The following ADH1A variants were observed in gnomAD, a reference collection of about 807,000 sequenced individuals.
ADH1A encodes alcohol dehydrogenase 1A.
Under a neutral mutation model 35.2 loss-of-function variants are expected in ADH1A, and 29 were observed. That is an observed-to-expected ratio of 0.82 (90% CI 0.61 to 1.12). The LOEUF is 1.12. ADH1A is among the 50% of genes most tolerant of loss of function. The probability of loss-of-function intolerance (pLI) is 0.00; values close to 1 mark genes in which losing one functional copy is unlikely to be tolerated. For missense variants in ADH1A, 469 were observed against 464.7 expected, an observed-to-expected ratio of 1.01 and a Z score of -0.09; for synonymous variants, 147 against 164.8, an observed-to-expected ratio of 0.89 and a Z score of 0.83.
intron 5 of ADH1A, among the ~76,000 whole-genome samples, chr4:99,283,760 C>G (rs1733064266): frequency 6.6e-6 from 1 of 152,042 alleles, no homozygotes; most frequent in Middle Eastern, 3.2e-3. Flanking sequence ...AGATAAGAAG[C>G]CTTTAAAGAA....
intron 2 of ADH1A, 61 bp from the exon 3 acceptor site, chr4:99,287,049 C>G: frequency 6.4e-7 from 1 of 1,565,858 alleles, no homozygotes; most frequent in Non-Finnish European, 8.6e-7. Flanking sequence ...TTTAAAAATC[C>G]CAGTTCCCTG....
chr4:99,287,392 C>T (rs1244985954), intron 2 of ADH1A, among the ~76,000 whole-genome samples, 172 bp downstream of exon 2: 1 of 152,056 alleles, frequency 6.6e-6, no homozygotes, highest in African/African-American at 2.4e-5. Context: ...TTGTATTTTA[C>T]TGGAATTACA....
intron 2 of ADH1A, 105 bp from the exon 3 acceptor site, chr4:99,287,093 G>C: frequency 7.2e-7 from 1 of 1,390,440 alleles, no homozygotes; most frequent in African/African-American, 1.4e-5. Context: ...CAAGGGTTTT[G>C]CTAATAATCC....
chr4:99,281,438 C>T (rs1732998364), intron 6 of ADH1A, among the ~76,000 whole-genome samples: 1 of 152,266 alleles, frequency 6.6e-6, no homozygotes, highest in East Asian at 1.9e-4. Flanking sequence ...AATAGTATTT[C>T]ATATCAATAA....
chr4:99,283,845 G>C (rs1270616891), intron 5 of ADH1A, among the ~76,000 whole-genome samples: 1 of 152,290 alleles, frequency 6.6e-6, no homozygotes, highest in African/African-American at 2.4e-5. Flanking sequence ...GCAGTGAAAT[G>C]TCATAATGAG....
chr4:99,279,646 G>A, intron 7 of ADH1A, 82 bp from the exon 8 acceptor site: 2 of 1,499,396 alleles, frequency 1.3e-6, no homozygotes, highest in Middle Eastern at 1.7e-4. Context: ...ATAAATGAAA[G>A]TTTAGAAAAG....
intron 6 of ADH1A, among the ~76,000 whole-genome samples, chr4:99,280,807 TA>T (rs1240444198): frequency 6.6e-6 from 1 of 152,224 alleles, no homozygotes; most frequent in Non-Finnish European, 1.5e-5. Flanking sequence ...GGACATGTTT[TA>T]AACATTGTTT....
At chr4:99,277,229 A>G (rs915617504) in intron 8 of ADH1A, among the ~76,000 whole-genome samples, 19 of 152,232 alleles carry the variant, frequency 1.2e-4, no homozygotes, top group African/African-American at 3.6e-4. Context: ...ATAATTTAAC[A>G]AAGTTAAAAC....
intron 8 of ADH1A, among the ~76,000 whole-genome samples, chr4:99,277,730 C>A (rs1732904073): frequency 6.6e-6 from 1 of 152,030 alleles, no homozygotes; most frequent in South Asian, 2.1e-4. Flanking sequence ...CCAATAATGT[C>A]ATTTCTTTTT....
intron 3 of ADH1A, among the ~76,000 whole-genome samples, chr4:99,285,092 C>A (rs1733117029): frequency 6.6e-6 from 1 of 152,026 alleles, no homozygotes; most frequent in Non-Finnish European, 1.5e-5. Context: ...TGTGGTGTAC[C>A]AATTTCTCCT....
intron 8 of ADH1A, among the ~76,000 whole-genome samples, chr4:99,279,097 T>C (rs1365630148): frequency 6.6e-6 from 1 of 152,066 alleles, no homozygotes; most frequent in African/African-American, 2.4e-5. Context: ...AATGACACCA[T>C]GTTATAATTA....
intron 3 of ADH1A, among the ~76,000 whole-genome samples, chr4:99,286,021 CAAAA>C (rs397938892): frequency 1.2e-5 from 1 of 85,276 alleles, no homozygotes; most frequent in Non-Finnish European, 2.2e-5. Context: ...GACTCCGTCT[CAAAA>C]AAAAAAAAAA....
intron 1 of ADH1A, among the ~76,000 whole-genome samples, chr4:99,288,206 C>T (rs1034045552): frequency 6.6e-6 from 1 of 152,114 alleles, no homozygotes; most frequent in Non-Finnish European, 1.5e-5. Flanking sequence ...CTCTCTCCAC[C>T]ACTTCTGTGT....
chr4:99,276,685 A>C, intron 8 of ADH1A, 37 bp from the exon 9 acceptor site: 1 of 1,589,218 alleles, frequency 6.3e-7, no homozygotes, highest in South Asian at 1.1e-5. Context: ...ATTAGCATTT[A>C]GACATGCTTC....
intron 3 of ADH1A, among the ~76,000 whole-genome samples, chr4:99,285,014 G>A (rs1422664712): frequency 2.0e-5 from 3 of 152,136 alleles, no homozygotes; most frequent in Non-Finnish European, 4.4e-5. Context: ...TTCCTAAAGA[G>A]GACATGCAAA....
In ADH1A at chr4:99,279,437, G is replaced by A. The variant is rs1257775674; in HGVS notation, c.1092C>T (p.His364=). 2.5e-6 allele frequency: 4 copies of A among 1,601,338 alleles called. No homozygotes were observed. The highest frequency in any genetic ancestry group is 4.5e-5 in the East Asian group (2 of 44,522). ...EKINEGFDLL[H]SGKSIRTILM... is the part of the protein sequence containing the mutation. ...ACTAAAAAATCTACCTTTTCCCAGA[G>A]TGAAGCAGGTCAAATCCTTCATTTA... is the stretch of plus-strand genomic sequence containing the variant. Residue 364 remains histidine (H), a synonymous_variant, in exon 8 of 9, where the codon CAC becomes CAT. Transcript: ENST00000209668.
chr4:99,281,752 T>G (rs911835075), intron 6 of ADH1A: 4 of 161,446 alleles, frequency 2.5e-5, no homozygotes, highest in Non-Finnish European at 5.4e-5. Context: ...ATCTGTTGAC[T>G]TTTCAAAGTA....
intron 3 of ADH1A, among the ~76,000 whole-genome samples, chr4:99,285,550 CTAAT>C (rs28364307): frequency 0.018 from 2,771 of 152,076 alleles, 84 homozygotes; most frequent in African/African-American, 0.063. Flanking sequence ...TTATTACTAA[CTAAT>C]TAGTTACTAT....
intron 5 of ADH1A, among the ~76,000 whole-genome samples, 181 bp from the exon 6 acceptor site, chr4:99,282,787 AT>A (rs1733040872): frequency 6.6e-6 from 1 of 152,242 alleles, no homozygotes; most frequent in African/African-American, 2.4e-5. Context: ...AAACTGCTGC[AT>A]ATTGGATTCA....
Sources: allele counts gnomAD v4.1 joint callset (sites outside exome capture counted in the v4.1 genomes callset), GRCh38; gene constraint gnomAD v4.1.1; transcripts MANE v1.5; gene names NCBI Gene and HGNC (gene_info 2026-07-23, HGNC 2026-07-21).